The following DENND2C variants were observed in gnomAD, a reference collection of about 807,000 sequenced individuals.
DENND2C encodes the protein DENN domain-containing protein 2C.
In DENND2C, 72 loss-of-function variants were observed where a neutral mutation model predicts 112.4. That is an observed-to-expected ratio of 0.64 (90% CI 0.53 to 0.78). The LOEUF (loss-of-function observed/expected upper bound fraction) is 0.78, where lower values mean the gene tolerates loss of function less well. Among genes scored for constraint, DENND2C ranks in the 30% least tolerant of loss-of-function variants. The pLI, the probability that DENND2C is intolerant of heterozygous loss-of-function variation, is 0.00. For missense variants in DENND2C, 992 were observed against 1,113.8 expected (o/e 0.89, Z 1.56); for synonymous variants, 329 against 381.6 (o/e 0.86, Z 1.61).
intron 1 of DENND2C, among the ~76,000 whole-genome samples, chr1:114,657,546 A>G (rs1016643809): frequency 2.0e-5 from 3 of 152,222 alleles, no homozygotes; most frequent in African/African-American, 7.2e-5. Flanking sequence ...ATCAAGAAGG[A>G]AAGAGTGGTC....
Position 114,618,369 on chromosome 1 carries a change from C to T in DENND2C, c.1324+17G>A, listed in dbSNP as rs1283293080. 47 of 1,518,776 alleles carry T rather than the reference C, an allele frequency of 3.1e-5. No individual in the cohort carries two copies. The East Asian group carries it at 6.3e-4, about 20-fold the overall frequency. The allele number at this position is 1,518,776 out of a possible 1,614,324, so 94.1% of individuals were successfully genotyped here. On this transcript the variant is annotated intron_variant, in intron 8 of 20. Transcript: ENST00000393274. Reference sequence around the variant, plus strand: ...CCTGACAGCTACAGGATAGCTGGAACGAAAAACAATTCTTACCTTTTGTCG... The same window carrying T: ...CCTGACAGCTACAGGATAGCTGGAATGAAAAACAATTCTTACCTTTTGTCG...
intron 6 of DENND2C, 66 bp downstream of exon 6, chr1:114,622,921 T>G: frequency 7.8e-7 from 1 of 1,278,404 alleles, no homozygotes; most frequent in Non-Finnish European, 1.1e-6. Context: ...TTAAATCCCC[T>G]TAATCTTTTT....
intron 18 of DENND2C, among the ~76,000 whole-genome samples, chr1:114,593,025 G>T (rs1414647352): frequency 1.3e-5 from 2 of 152,068 alleles, no homozygotes; most frequent in Non-Finnish European, 2.9e-5. Flanking sequence ...TAGAGATGAG[G>T]TCTCATTATG....
At chr1:114,626,416 G>A (rs563595130) in intron 3 of DENND2C, among the ~76,000 whole-genome samples, 50 of 150,870 alleles carry the variant, frequency 3.3e-4, no homozygotes, top group Middle Eastern at 7.0e-3. Flanking sequence ...CAGCTTTAAT[G>A]TTCTGCCATA....
Position 114,602,789 on chromosome 1 carries a change from C to T in DENND2C, c.1668-595G>A, listed in dbSNP as rs926701494. On this transcript the variant is annotated intron_variant, in intron 11 of 20. Transcript: ENST00000393274. The stretch of plus-strand genomic sequence containing the variant: ...ATCTTGACAGGGCTGGTCTTAAACA[C>T]CTGCGTTCAAATAATCCTTCTGTCT... Among the ~76,000 whole-genome samples, 12 of 152,242 alleles carry T rather than the reference C, an allele frequency of 7.9e-5. No homozygotes were observed. In the East Asian group the frequency reaches 2.3e-3, roughly 29 times the overall value.
intron 3 of DENND2C, among the ~76,000 whole-genome samples, chr1:114,635,813 C>T (rs138897229): frequency 7.6e-4 from 115 of 152,116 alleles, no homozygotes; most frequent in Admixed American, 1.7e-3. Flanking sequence ...TCGAGACCAG[C>T]CTAGGGAACA....
Position 114,611,115 on chromosome 1 carries a change from C to T in DENND2C, c.1327G>A (p.Glu443Lys). Reference sequence around the variant, plus strand: ...GCATCACTTTCGTTCCCACTGGTTTCACCTGAAAAGAGAGAAGGAGTTTCC... The same window carrying T: ...GCATCACTTTCGTTCCCACTGGTTTTACCTGAAAAGAGAGAAGGAGTTTCC... ...TGKELPPTKGETSGNESDAEY... is the reference protein window; with the variant it reads ...TGKELPPTKGKTSGNESDAEY... Residue 443 changes from glutamate (E) to lysine (K), a missense_variant and splice_region_variant, in exon 9 of 21, where the codon GAA becomes AAA. By Grantham distance (56) the Glu-to-Lys change is moderately conservative. Coordinates refer to ENST00000393274, the MANE Select transcript of DENND2C (RefSeq NM_001256404.2). 1 of 1,614,122 alleles carries T rather than the reference C, an allele frequency of 6.2e-7. No individual in the cohort carries two copies. The highest frequency in any genetic ancestry group is 8.5e-7 in the Non-Finnish European group (1 of 1,180,000).
In DENND2C at chr1:114,664,253, G is replaced by A. The variant is rs188174704; in HGVS notation, c.-574+5730C>T. Among the ~76,000 whole-genome samples the A allele has an allele frequency of 2.6e-3, 396 of 151,932 alleles. 1 individual carries two copies. Among genetic ancestry groups the A allele is most frequent in the African/African-American group, 9.2e-3 (381 of 41,430 alleles). On this transcript the variant is annotated intron_variant, in intron 1 of 20. Coordinates refer to ENST00000393274, the MANE Select transcript of DENND2C (RefSeq NM_001256404.2). The stretch of plus-strand genomic sequence containing the variant: ...AGTCTTTTGTTGTTTTTTAAGCTTT[G>A]TCTATGACTTCCAAGAACTAAAGAT...
Position 114,634,785 on chromosome 1 carries a change from T to C in DENND2C, c.-204-8597A>G, listed in dbSNP as rs563780271. On this transcript the variant is annotated intron_variant, in intron 3 of 20. Coordinates refer to ENST00000393274, the MANE Select transcript of DENND2C (RefSeq NM_001256404.2). ...GCTCAAGCCTGTAATCCCAGCACTT[T>C]GGGAGGCCGAGGCGAGCAGATCATC... 4.6e-5 allele frequency among the ~76,000 whole-genome samples: 7 copies of C among 152,164 alleles called. No individual in the cohort carries two copies. In the South Asian group the frequency reaches 1.4e-3, roughly 32 times the overall value.
intron 15 of DENND2C, 39 bp from the exon 16 acceptor site, chr1:114,599,490 T>G: frequency 6.8e-7 from 1 of 1,474,362 alleles, no homozygotes; most frequent in Non-Finnish European, 9.1e-7. Context: ...ATATATAGAG[T>G]AACATAAGGA....
chr1:114,623,015 G>T lies in DENND2C; in HGVS notation c.1028C>A (p.Pro343His), dbSNP rs994659838. 9 of 1,612,974 alleles carry T rather than the reference G, an allele frequency of 5.6e-6. No homozygotes were observed. In the African/African-American group the frequency reaches 1.2e-4, roughly 22 times the overall value. ...WRSPSAWKLP[P>H]AKSAFKAPKL... is the part of the protein sequence containing the mutation. Reference sequence around the variant, plus strand: ...GGGTGCTTTAAAAGCACTTTTAGCGGGTGGTAGCTTCCATGCTGAAGGGGA... The same window carrying T: ...GGGTGCTTTAAAAGCACTTTTAGCGTGTGGTAGCTTCCATGCTGAAGGGGA... Residue 343 changes from proline (P) to histidine (H), a missense_variant, in exon 6 of 21, where the codon CCC (proline) becomes CAC (histidine). Pro to His is a moderately conservative substitution (Grantham distance 77, BLOSUM62 -2). Transcript: ENST00000393274.
At chr1:114,644,040 C>T (rs1303507197) in intron 3 of DENND2C, among the ~76,000 whole-genome samples, 2 of 152,166 alleles carry the variant, frequency 1.3e-5, no homozygotes, top group African/African-American at 4.8e-5. Flanking sequence ...AGCTACATGA[C>T]CCTAGGTGTT....
At chr1:114,660,259 T>C (rs1268629754) in intron 1 of DENND2C, among the ~76,000 whole-genome samples, 3 of 152,232 alleles carry the variant, frequency 2.0e-5, no homozygotes, top group African/African-American at 7.2e-5. Flanking sequence ...ACTTTCAATA[T>C]ATTCATGAGA....
intron 12 of DENND2C, among the ~76,000 whole-genome samples, 195 bp from the exon 13 acceptor site, chr1:114,601,780 C>A (rs1173034600): frequency 6.6e-6 from 1 of 152,122 alleles, no homozygotes; most frequent in Non-Finnish European, 1.5e-5. Flanking sequence ...AGTGAAGCCA[C>A]CCAAGCAAGA....
intron 18 of DENND2C, among the ~76,000 whole-genome samples, chr1:114,594,167 T>C (rs565812154): frequency 2.2e-4 from 33 of 152,212 alleles, no homozygotes; most frequent in South Asian, 4.1e-4. Flanking sequence ...CAATTTAATA[T>C]AGGACAGTCA....
intron 8 of DENND2C, among the ~76,000 whole-genome samples, chr1:114,617,455 C>A (rs1212675263): frequency 6.6e-6 from 1 of 151,966 alleles, no homozygotes; most frequent in African/African-American, 2.4e-5. Context: ...GGATTATGGG[C>A]ACACGCCACC....
intron 18 of DENND2C, among the ~76,000 whole-genome samples, chr1:114,591,215 A>T (rs1391246671): frequency 6.6e-6 from 1 of 152,064 alleles, no homozygotes; most frequent in African/African-American, 2.4e-5. Flanking sequence ...TGATTCTCCC[A>T]CCTTGACCTC....
Position 114,622,981 on chromosome 1 carries a change from T to C in DENND2C, c.1056+6A>G, listed in dbSNP as rs1186415270. On this transcript the variant is annotated splice_donor_region_variant and intron_variant, in intron 6 of 20. Coordinates refer to ENST00000393274, the MANE Select transcript of DENND2C (RefSeq NM_001256404.2). ...ATGTTTTCTTCAATTCATTATCTGG[T>C]TATACCTTGGGTGCTTTAAAAGCAC... 8.1e-6 allele frequency: 13 copies of C among 1,598,724 alleles called. No homozygotes were observed. Among genetic ancestry groups the C allele is most frequent in the Non-Finnish European group, 1.1e-5 (13 of 1,169,814 alleles).
chr1:114,588,009 G>C (rs1655088902), intron 18 of DENND2C, 57 bp from the exon 19 acceptor site: 1 of 1,454,660 alleles, frequency 6.9e-7, no homozygotes, highest in African/African-American at 1.4e-5. Flanking sequence ...TCTGTATCTG[G>C]AAACACTGGC....
Sources: allele counts gnomAD v4.1 joint callset (sites outside exome capture counted in the v4.1 genomes callset), GRCh38; gene constraint gnomAD v4.1.1; transcripts MANE v1.5; gene names NCBI Gene and HGNC (gene_info 2026-07-23, HGNC 2026-07-21).